Variants in TBC1D1 observed in about 807,000 individuals in gnomAD.
The protein encoded by TBC1D1 is TBC1 domain family member 1, also known as TBC1 (tre-2/USP6, BUB2, cdc16) domain family, member 1.
TBC1D1 carries 89 observed loss-of-function variants against 125.6 expected under a neutral mutation model. That is an observed-to-expected ratio of 0.71 (90% CI 0.60 to 0.85). The LOEUF (loss-of-function observed/expected upper bound fraction) is 0.85. Ranked by LOEUF, TBC1D1 falls within the 40% of genes least tolerant of loss-of-function variation. The probability of loss-of-function intolerance (pLI) is 0.00; values close to 1 mark genes in which losing one functional copy is unlikely to be tolerated. For missense variants in TBC1D1, 1,377 were observed against 1,469.2 expected (o/e 0.94, Z 1.03); for synonymous variants, 565 against 564.1 (o/e 1.00, Z -0.02).
At chr4:37,893,841 C>T (rs1240865298) in intron 1 of TBC1D1, among the ~76,000 whole-genome samples, 3 of 152,110 alleles carry the variant, frequency 2.0e-5, no homozygotes, top group African/African-American at 4.8e-5. Context: ...GTAGTGATGA[C>T]GAAGGATTTA....
chr4:38,045,714 A>G (rs1372366545), intron 9 of TBC1D1, 103 bp from the exon 10 acceptor site: 4 of 762,790 alleles, frequency 5.2e-6, no homozygotes, highest in Non-Finnish European at 9.3e-6. Flanking sequence ...CTCAGTAGAT[A>G]ACATTTTTTT....
At chr4:38,127,188 C>G (rs1440365787) in intron 18 of TBC1D1, among the ~76,000 whole-genome samples, 2 of 151,918 alleles carry the variant, frequency 1.3e-5, no homozygotes, top group African/African-American at 4.8e-5. Context: ...AGAAAAAAAT[C>G]CCATTGTCTC....
At chr4:38,095,638 TA>T (rs1759195562) in intron 13 of TBC1D1, among the ~76,000 whole-genome samples, 1 of 152,122 alleles carries the variant, frequency 6.6e-6, no homozygotes, top group Non-Finnish European at 1.5e-5. Flanking sequence ...CATAGTTTGA[TA>T]GGGGTAAGAT....
rs760967122 is a variant in TBC1D1 at position 37,959,045 on chromosome 4, T to G, written c.418-55464T>G. On this transcript the variant is annotated intron_variant, in intron 2 of 19. Coordinates refer to ENST00000261439, the MANE Select transcript of TBC1D1 (RefSeq NM_015173.4). ...CAGGTCCAAGTCATGGCTCTGTCAC[T>G]TTCTAGCTAGCTGTGTCAGGTTAAG... 3.7e-4 allele frequency among the ~76,000 whole-genome samples: 57 copies of G among 152,220 alleles called. 1 individual carries two copies. Among genetic ancestry groups the G allele is most frequent in the Non-Finnish European group, 7.1e-4 (48 of 68,048 alleles).
chr4:37,985,780 C>T (rs1417656301), intron 2 of TBC1D1, among the ~76,000 whole-genome samples: 1 of 152,082 alleles, frequency 6.6e-6, no homozygotes, highest in Non-Finnish European at 1.5e-5. Context: ...AGCTTGCAGT[C>T]TAATGGGGAG....
intron 2 of TBC1D1, among the ~76,000 whole-genome samples, chr4:37,974,604 C>T (rs998465151): frequency 8.6e-5 from 13 of 151,988 alleles, no homozygotes; most frequent in African/African-American, 2.9e-4. Flanking sequence ...GTCCCCCAGG[C>T]TGGAGTGCAG....
intron 17 of TBC1D1, among the ~76,000 whole-genome samples, chr4:38,119,218 G>T (rs1763467621): frequency 6.6e-6 from 1 of 152,138 alleles, no homozygotes; most frequent in African/African-American, 2.4e-5. Context: ...CTTCAGACAT[G>T]CTTTGGGTAA....
In TBC1D1 at chr4:38,107,584, T is replaced by G. The variant is rs1323111147; in HGVS notation, c.2557+4427T>G. On this transcript the variant is annotated intron_variant, in intron 15 of 19. Coordinates refer to ENST00000261439, the MANE Select transcript of TBC1D1 (RefSeq NM_015173.4). ...GGCTTTTAGTCTAAACAGGTTTTTT[T>G]TTTTTTTTTTTTTTTTTGGCAATGT... Among the ~76,000 whole-genome samples, 5 of 142,084 alleles carry G rather than the reference T, an allele frequency of 3.5e-5. No individual in the cohort carries two copies. The Admixed American group carries it at 3.6e-4, about 10-fold the overall frequency. The allele number at this position is 142,084 out of a possible 152,430, so 93.2% of individuals were successfully genotyped here. A position where few individuals can be genotyped will look rare whatever the true frequency, so the allele number is the denominator to read the frequency against.
At chr4:38,025,157 C>T (rs150896884) in intron 6 of TBC1D1, among the ~76,000 whole-genome samples, 19 of 152,322 alleles carry the variant, frequency 1.2e-4, no homozygotes, top group African/African-American at 4.3e-4. Context: ...CATTCATCAC[C>T]GCTCTCTCTA....
chr4:38,114,966 G>A (rs894736035), intron 15 of TBC1D1, among the ~76,000 whole-genome samples: 9 of 152,170 alleles, frequency 5.9e-5, no homozygotes, highest in African/African-American at 1.4e-4. Flanking sequence ...GTAGTAAGGC[G>A]AGGCCTTTTA....
intron 2 of TBC1D1, among the ~76,000 whole-genome samples, chr4:37,969,496 C>T (rs1731651731): frequency 6.6e-6 from 1 of 152,210 alleles, no homozygotes; most frequent in Admixed American, 6.5e-5. Context: ...GCATCCACTA[C>T]CACCATGCCT....
chr4:38,039,972 A>T (rs114039977), intron 8 of TBC1D1, among the ~76,000 whole-genome samples: 3,239 of 151,828 alleles, frequency 0.021, 61 homozygotes, highest in Middle Eastern at 0.051. Context: ...TAAAGAAATT[A>T]TTGTCTAAGA....
chr4:38,049,715 A>G lies in TBC1D1; in HGVS notation c.1727A>G (p.His576Arg), dbSNP rs1750127288. 2 of 1,614,016 alleles carry G rather than the reference A, an allele frequency of 1.2e-6. No homozygotes were observed. Among genetic ancestry groups the G allele is most frequent in the African/African-American group, 1.3e-5 (1 of 74,916 alleles). Reference sequence around the variant, plus strand: ...GACCTGTCCAGTGACTCGGAGAGTCATCTCCCAGAAGAGCCAGCTCCGCTG... The same window carrying G: ...GACCTGTCCAGTGACTCGGAGAGTCGTCTCCCAGAAGAGCCAGCTCCGCTG... Residue 576 changes from histidine (H) to arginine (R), a missense_variant, in exon 11 of 20, where the codon CAT becomes CGT. By Grantham distance (29) the His-to-Arg change is conservative (BLOSUM62 0). This residue lies in a region of TBC1D1 where 822 missense variants were observed against 824.6 expected (regional missense o/e 1.00). Coordinates refer to ENST00000261439, the MANE Select transcript of TBC1D1 (RefSeq NM_015173.4).
At chr4:38,000,208 G>T (rs867847098) in intron 2 of TBC1D1, among the ~76,000 whole-genome samples, 1 of 152,144 alleles carries the variant, frequency 6.6e-6, no homozygotes, top group African/African-American at 2.4e-5. Context: ...GACATGACTC[G>T]TGGTGGTGGT....
chr4:38,081,178 G>C (rs1343067051), intron 12 of TBC1D1, among the ~76,000 whole-genome samples: 1 of 151,938 alleles, frequency 6.6e-6, no homozygotes, highest in East Asian at 1.9e-4. Flanking sequence ...TCCCTGAGAC[G>C]CTCCAGGCTC....
At chr4:38,071,866 A>AGAT (rs1436686994) in intron 12 of TBC1D1, among the ~76,000 whole-genome samples, 3 of 152,254 alleles carry the variant, frequency 2.0e-5, no homozygotes, top group Non-Finnish European at 4.4e-5. Context: ...TCCGTTTTAC[A>AGAT]GATGAGAAGA....
In TBC1D1 at chr4:38,014,416, C is replaced by A; in HGVS notation, c.418-93C>A. On this transcript the variant is annotated intron_variant, in intron 2 of 19. Coordinates refer to ENST00000261439, the MANE Select transcript of TBC1D1 (RefSeq NM_015173.4). This position sits in a 1 kb window ranked among gnomAD's most constrained non-coding sequence, Gnocchi z 5.1. ...CCTCCAGTGCTCCGCAGTGGAGTAG[C>A]CAGCGGGGCGTCCCGAAAGAGCATG... The A allele has an allele frequency of 7.8e-7, 1 of 1,281,200 alleles. No homozygotes were observed. Among genetic ancestry groups the A allele is most frequent in the Non-Finnish European group, 1.1e-6 (1 of 908,384 alleles). 79.4% of individuals were successfully genotyped at this position (1,281,200 alleles called of 1,614,324 possible).
intron 2 of TBC1D1, among the ~76,000 whole-genome samples, chr4:37,956,528 C>T (rs1728970282): frequency 6.6e-6 from 1 of 152,232 alleles, no homozygotes; most frequent in Non-Finnish European, 1.5e-5. Context: ...AGACTATCCT[C>T]ATTGTGCTTT....
At chr4:37,975,053 C>G (rs550306917) in intron 2 of TBC1D1, among the ~76,000 whole-genome samples, 3 of 152,108 alleles carry the variant, frequency 2.0e-5, no homozygotes, top group Non-Finnish European at 4.4e-5. Context: ...CAGCTGGGCC[C>G]GTGGTACCAC....
Sources: gnomAD v4.1 joint callset for allele counts (sites outside exome capture counted in the v4.1 genomes callset) on GRCh38, gnomAD v4.1.1 for gene constraint, gnomAD v4.1.1 regional missense constraint, Gnocchi (gnomAD v3.1) non-coding constraint, MANE v1.5 for transcripts, NCBI Gene and HGNC (gene_info 2026-07-23, HGNC 2026-07-21) for gene names.